AARS1: variants seen among roughly 807,000 people sequenced by gnomAD.
AARS1 encodes the protein alanine--tRNA ligase, cytoplasmic.
A neutral mutation model predicts 108.9 loss-of-function variants in AARS1; 72 were observed. The observed-to-expected ratio is 0.66, with a 90% CI of 0.55 to 0.80. The LOEUF is 0.80. AARS1 is among the 30% of genes least tolerant of loss of function. AARS1 has a pLI of 0.00. For synonymous variants in AARS1, 489 were observed against 465.7 expected (o/e 1.05, Z -0.64); for missense variants, 1,193 against 1,233.2 (o/e 0.97, Z 0.49).
intron 13 of AARS1, among the ~76,000 whole-genome samples, chr16:70,259,717 C>T (rs1469288427): frequency 6.6e-6 from 1 of 151,918 alleles, no homozygotes; most frequent in South Asian, 2.1e-4. Flanking sequence ...AACTCTTGGC[C>T]TCAAGCAATC....
At chr16:70,266,610 C>T (rs940771100) in intron 9 of AARS1, among the ~76,000 whole-genome samples, 2 of 150,382 alleles carry the variant, frequency 1.3e-5, no homozygotes, top group Non-Finnish European at 3.0e-5. Context: ...CACTCTCCAG[C>T]TCCAGGATTC....
intron 13 of AARS1, among the ~76,000 whole-genome samples, chr16:70,259,971 C>T (rs1485839439): frequency 6.6e-6 from 1 of 152,098 alleles, no homozygotes; most frequent in Non-Finnish European, 1.5e-5. Context: ...AGGGTTTCTC[C>T]ATGTTGGTCA....
chr16:70,254,536 C>G, intron 17 of AARS1, 85 bp downstream of exon 17: 1 of 1,000,488 alleles, frequency 1.0e-6, no homozygotes, highest in South Asian at 1.3e-5. Flanking sequence ...GAACCAGGGC[C>G]TGACTGACTA....
rs1960119802 is a variant in AARS1, at chr16:70,261,024, G to A, written c.1785+20C>T. The A allele has an allele frequency of 1.3e-6, 2 of 1,567,492 alleles. No homozygotes were observed. The highest frequency in any genetic ancestry group is 1.8e-6 in the Non-Finnish European group (2 of 1,138,150). On this transcript the variant is annotated intron_variant, in intron 13 of 20. Transcript: ENST00000261772. ...TAATTACTAACCAGATCCAATGGGG[G>A]CCACAGTAACCCAACTCACCTCATC...
chr16:70,282,278 G>A (rs553164225), intron 2 of AARS1, among the ~76,000 whole-genome samples: 21 of 136,446 alleles, frequency 1.5e-4, no homozygotes, highest in African/African-American at 4.8e-4. Context: ...GCAGTGAGCC[G>A]AGATTGCACC....
chr16:70,257,953 G>T, intron 15 of AARS1, 80 bp downstream of exon 15: 2 of 1,501,148 alleles, frequency 1.3e-6, no homozygotes, highest in Non-Finnish European at 1.8e-6. Flanking sequence ...AGACAGACAA[G>T]AGTTGGTCCA....
At position 70,253,702 on chromosome 16, in the gene AARS1, C is replaced by T; in HGVS notation, c.2607+12G>A. 1 of 1,613,076 alleles carries T rather than the reference C, an allele frequency of 6.2e-7. No individual in the cohort carries two copies. Among genetic ancestry groups the T allele is most frequent in the Non-Finnish European group, 8.5e-7 (1 of 1,179,970 alleles). On this transcript the variant is annotated intron_variant, in intron 19 of 20. Transcript: ENST00000261772. The stretch of plus-strand genomic sequence containing the variant: ...TGAGCCCTAGGGGAGGGGACCCTGG[C>T]CCCTGGGTTGCCTTGGCTGAGGCGC...
chr16:70,274,280 G>A (rs761601823), intron 4 of AARS1, among the ~76,000 whole-genome samples: 22 of 151,842 alleles, frequency 1.4e-4, no homozygotes, highest in Admixed American at 2.6e-4. Flanking sequence ...GACGGAGGTT[G>A]CGGTGAGCCA....
intron 1 of AARS1, among the ~76,000 whole-genome samples, chr16:70,288,799 T>C (rs1372611494): frequency 3.3e-5 from 5 of 151,122 alleles, no homozygotes; most frequent in African/African-American, 1.2e-4. Flanking sequence ...ACCCCTGACC[T>C]CAGGTGATCC....
At chr16:70,286,608 C>T (rs888492679) in intron 1 of AARS1, among the ~76,000 whole-genome samples, 4 of 151,846 alleles carry the variant, frequency 2.6e-5, no homozygotes, top group African/African-American at 4.8e-5. Flanking sequence ...GAGGTCGAGG[C>T]GGGTGGATCA....
intron 2 of AARS1, among the ~76,000 whole-genome samples, chr16:70,278,429 G>C (rs1960605790): frequency 6.6e-6 from 1 of 151,818 alleles, no homozygotes; most frequent in South Asian, 2.1e-4. Context: ...GCCAGCCATG[G>C]TGGTGCACGC....
intron 1 of AARS1, among the ~76,000 whole-genome samples, chr16:70,286,143 CATTT>C (rs527527332): frequency 1.8e-4 from 27 of 152,262 alleles, no homozygotes; most frequent in South Asian, 6.2e-4. Flanking sequence ...TCCCCACATT[CATTT>C]GTTTACCCCC....
rs760123813 is a variant in AARS1 at position 70,259,171 on chromosome 16, T to C, written c.1801A>G (p.Ile601Val). 2 of 1,614,066 alleles carry C rather than the reference T, an allele frequency of 1.2e-6. No individual in the cohort carries two copies. Among genetic ancestry groups the C allele is most frequent in the East Asian group, 2.2e-5 (1 of 44,874 alleles). ...TGCGTAGCTGTGTGGTTGCTCATGA[T>C]GGGTCTTCGTCGGGGCTGGAAAGGG... ...LFIDEPRRRP[I>V]MSNHTATHIL... is the part of the protein sequence containing the mutation. Residue 601 changes from isoleucine to valine, a missense_variant, in exon 14 of 21, where the codon ATC becomes GTC. Physicochemically the swap from Ile to Val is conservative, Grantham distance 29. Coordinates refer to ENST00000261772, the MANE Select transcript of AARS1 (RefSeq NM_001605.3).
intron 19 of AARS1, 44 bp from the exon 20 acceptor site, chr16:70,253,425 C>A (rs774045444): frequency 1.3e-6 from 2 of 1,482,546 alleles, no homozygotes; most frequent in South Asian, 2.3e-5. Flanking sequence ...GGAGCAGGGA[C>A]CCTCACTAGT....
intron 2 of AARS1, among the ~76,000 whole-genome samples, chr16:70,281,946 T>A (rs1179129263): frequency 6.6e-6 from 1 of 151,932 alleles, no homozygotes. Context: ...GGTCAGGAGA[T>A]TGAGACCATC....
At chr16:70,258,309 C>A in intron 14 of AARS1, 92 bp from the exon 15 acceptor site, 1 of 1,430,390 alleles carries the variant, frequency 7.0e-7, no homozygotes, top group Non-Finnish European at 9.6e-7. Flanking sequence ...AGGCAGGACT[C>A]GGGTTCCAAC....
chr16:70,278,588 G>C (rs954777307), intron 2 of AARS1, among the ~76,000 whole-genome samples: 7 of 151,354 alleles, frequency 4.6e-5, no homozygotes, highest in South Asian at 4.2e-4. Context: ...AAGCAAGAGA[G>C]AAAGAAAAAA....
Position 70,253,535 on chromosome 16 carries a change from C to T in AARS1, c.2608-154G>A, listed in dbSNP as rs540759943. The T allele has an allele frequency of 1.6e-3, 1,633 of 1,014,624 alleles. 2 individuals carry two copies. Among genetic ancestry groups the T allele is most frequent in the Non-Finnish European group, 2.2e-3 (1,447 of 669,422 alleles). The allele number at this position is 1,014,624 out of a possible 1,614,324, so 62.9% of individuals were successfully genotyped here. A position where few individuals can be genotyped will look rare whatever the true frequency, so the allele number is the denominator to read the frequency against. ...CTGTGGGGAGGACCCCAGCGCCGGGCCCTGCCCCTACCCTGGCCCAGGTAT... is the reference window on the plus strand; with the variant it reads ...CTGTGGGGAGGACCCCAGCGCCGGGTCCTGCCCCTACCCTGGCCCAGGTAT... On this transcript the variant is annotated intron_variant, in intron 19 of 20. Coordinates refer to ENST00000261772, the MANE Select transcript of AARS1 (RefSeq NM_001605.3).
intron 1 of AARS1, 87 bp from the exon 2 acceptor site, chr16:70,282,871 A>G: frequency 1.5e-6 from 2 of 1,349,488 alleles, no homozygotes; most frequent in Non-Finnish European, 1.1e-6. Flanking sequence ...TCTCAAGCCA[A>G]GTCAAAGCAC....
Sources: allele counts gnomAD v4.1 joint callset (sites outside exome capture counted in the v4.1 genomes callset), GRCh38; gene constraint gnomAD v4.1.1; transcripts MANE v1.5; gene names NCBI Gene and HGNC (gene_info 2026-07-23, HGNC 2026-07-21).